Variants in PWWP2A observed in about 807,000 individuals in gnomAD.
PWWP2A encodes PWWP domain containing 2A, also known as PWWP domain-containing protein 2A.
In PWWP2A, 18 loss-of-function variants were observed where a neutral mutation model predicts 48.5. The observed-to-expected ratio is 0.37, with a 90% CI of 0.26 to 0.55. The LOEUF (loss-of-function observed/expected upper bound fraction) is 0.55. Ranked by LOEUF, PWWP2A falls within the 20% of genes least tolerant of loss-of-function variation. The pLI, the probability that PWWP2A is intolerant of heterozygous loss-of-function variation, is 0.81. For synonymous variants in PWWP2A, 396 were observed against 387.7 expected, an observed-to-expected ratio of 1.02 and a Z score of -0.25; for missense variants, 867 against 976.4, an observed-to-expected ratio of 0.89 and a Z score of 1.49.
At chr5:160,115,212 C>T (rs191786908) in intron 1 of PWWP2A, among the ~76,000 whole-genome samples, 8 of 145,986 alleles carry the variant, frequency 5.5e-5, no homozygotes, top group African/African-American at 1.0e-4. Context: ...GTCTCTGAAA[C>T]GGACTGGCAG....
At chr5:160,053,244 G>A in the PWWP2A span, among the ~76,000 whole-genome samples, 1 of 152,300 alleles carries the variant, frequency 6.6e-6, no homozygotes, top group African/African-American at 2.4e-5. Flanking sequence ...CTTTATGCTA[G>A]TTCCTGTTAA....
intron 1 of PWWP2A, among the ~76,000 whole-genome samples, chr5:160,094,910 T>C (rs1191006689): frequency 3.3e-5 from 5 of 151,346 alleles, no homozygotes; most frequent in Middle Eastern, 3.2e-3. Flanking sequence ...TCGCCGGGCA[T>C]GGTGGCAGGC....
chr5:160,090,322 A>C, downstream of PWWP2A: 1 of 984,912 alleles, frequency 1.0e-6, no homozygotes, highest in South Asian at 4.7e-5. Context: ...AAAGCCTTGG[A>C]ATTACATATT....
chr5:160,082,668 G>A (rs1754330376), intron 2 of PWWP2A, among the ~76,000 whole-genome samples: 1 of 152,078 alleles, frequency 6.6e-6, no homozygotes, highest in South Asian at 2.1e-4. Context: ...CCTGGTTTGT[G>A]AGTCTTTTGT....
At chr5:160,045,262 A>G in the PWWP2A span, among the ~76,000 whole-genome samples, 1 of 152,184 alleles carries the variant, frequency 6.6e-6, no homozygotes, top group African/African-American at 2.4e-5. Flanking sequence ...AGCCTTGCCT[A>G]GAAAATGAGG....
At chr5:160,114,623 C>CGTGGTGGA (rs1313106067) in intron 1 of PWWP2A, among the ~76,000 whole-genome samples, 1 of 151,684 alleles carries the variant, frequency 6.6e-6, no homozygotes, top group Non-Finnish European at 1.5e-5. Context: ...ATTTGCCCAG[C>CGTGGTGGA]GTGGTGGAGC....
intron 1 of PWWP2A, among the ~76,000 whole-genome samples, chr5:160,115,267 T>C (rs1758006215): frequency 6.7e-6 from 1 of 149,128 alleles, no homozygotes; most frequent in South Asian, 2.1e-4. Flanking sequence ...TGGATGAAAA[T>C]ATAGCTGGCT....
the PWWP2A span, among the ~76,000 whole-genome samples, chr5:160,055,867 A>G: frequency 2.1e-3 from 320 of 152,360 alleles, 5 homozygotes; most frequent in Admixed American, 0.018. Flanking sequence ...GAAAAACTAG[A>G]AAGCAAATAT....
downstream of PWWP2A, among the ~76,000 whole-genome samples, chr5:160,073,936 G>A (rs932628785): frequency 6.6e-6 from 1 of 151,714 alleles, no homozygotes; most frequent in African/African-American, 2.4e-5. Context: ...ATGGGGGTAA[G>A]CACCTGTAAT....
Position 160,093,635 on chromosome 5 carries a change from C to A in PWWP2A, c.1015G>T (p.Gly339Cys), listed in dbSNP as rs778429873. 6.2e-7 allele frequency: 1 copy of A among 1,613,952 alleles called. No homozygotes were observed. Among genetic ancestry groups the A allele is most frequent in the Non-Finnish European group, 8.5e-7 (1 of 1,179,886 alleles). ...TTAGAAGAGTCAGTTGCACTACTAC[C>A]TTTTCTAATTTCCTTTTTTTCAGCA... is the stretch of plus-strand genomic sequence containing the variant. ...VVAEKKEIRK[G>C]SSATDSSKYE... is the part of the protein sequence containing the mutation. The change falls in exon 2 of 2, where the codon GGT (glycine) becomes TGT (cysteine). Residue 339 changes from glycine to cysteine, a missense_variant. Transcript: ENST00000307063. The surrounding 1 kb of genome is among the most constrained non-coding windows in gnomAD (Gnocchi z 5.8).
chr5:160,113,425 A>T (rs1051731698), intron 1 of PWWP2A: 3 of 695,008 alleles, frequency 4.3e-6, no homozygotes, highest in Non-Finnish European at 5.3e-6. Flanking sequence ...CCTGTGTTCT[A>T]GACTCAAACA....
chr5:160,054,961 T>C, the PWWP2A span, among the ~76,000 whole-genome samples: 1 of 152,194 alleles, frequency 6.6e-6, no homozygotes, highest in Admixed American at 6.5e-5. Flanking sequence ...ACTCCCAGGG[T>C]TACTGCTCTG....
At chr5:160,054,758 G>C in the PWWP2A span, among the ~76,000 whole-genome samples, 1 of 152,098 alleles carries the variant, frequency 6.6e-6, no homozygotes, top group African/African-American at 2.4e-5. Context: ...TTTGAAGTCA[G>C]GTTTCATATG....
Position 160,077,672 on chromosome 5 carries a change from A to G in PWWP2A, c.*483T>C, listed in dbSNP as rs1753957851. 1 of 152,722 alleles carries G rather than the reference A, an allele frequency of 6.5e-6. No homozygotes were observed. The highest frequency in any genetic ancestry group is 2.4e-5 in the African/African-American group (1 of 41,452). The allele number at this position is 152,722 out of a possible 1,614,324, so 9.5% of individuals were successfully genotyped here. A position where few individuals can be genotyped will look rare whatever the true frequency, so the allele number is the denominator to read the frequency against. On this transcript the variant is annotated 3_prime_UTR_variant, in exon 4 of 4. Coordinates refer to the PWWP2A transcript ENST00000456329. This position sits in a 1 kb window ranked among gnomAD's most constrained non-coding sequence, Gnocchi z 4.2. ...AACATTGGCCTTGGCATATGTGACT[A>G]TTGCTTTTCATAGAAGAGCCATTTT...
At chr5:160,045,554 C>CTCTCTCTCTCTCT in the PWWP2A span, among the ~76,000 whole-genome samples, 24 of 116,038 alleles carry the variant, frequency 2.1e-4, no homozygotes, top group African/African-American at 7.1e-4. Flanking sequence ...TCTCTCTCTC[C>CTCTCTCTCTCTCT]CCCTCCCCTC....
Position 160,092,336 on chromosome 5 carries a change from A to G in PWWP2A, c.*46T>C, listed in dbSNP as rs1333860242. The G allele has an allele frequency of 6.8e-7, 1 of 1,478,228 alleles. No individual in the cohort carries two copies. The allele number at this position is 1,478,228 out of a possible 1,614,324, so 91.6% of individuals were successfully genotyped here. A position where few individuals can be genotyped will look rare whatever the true frequency, so the allele number is the denominator to read the frequency against. On this transcript the variant is annotated 3_prime_UTR_variant, in exon 2 of 2. Transcript: ENST00000307063. ...GAAATTATTCCTAACTAGACTAGAAAATCTGTGGTGACTTCCAATGGTCTT... is the reference window on the plus strand; with the variant it reads ...GAAATTATTCCTAACTAGACTAGAAGATCTGTGGTGACTTCCAATGGTCTT...
chr5:160,063,471 T>G (rs1753494949), intron 5 of PWWP2A: 1 of 152,704 alleles, frequency 6.5e-6, no homozygotes, highest in Non-Finnish European at 1.5e-5. Flanking sequence ...TGCCTCAGCC[T>G]CCCAAAGTGC....
the PWWP2A span, chr5:160,049,573 A>G: frequency 1.4e-5 from 22 of 1,611,710 alleles, no homozygotes; most frequent in Non-Finnish European, 1.8e-5. Context: ...GTTGTATGAG[A>G]AGACGGACAA....
intron 1 of PWWP2A, among the ~76,000 whole-genome samples, chr5:160,103,544 G>A (rs943996938): frequency 2.1e-4 from 32 of 152,204 alleles, no homozygotes; most frequent in Admixed American, 9.8e-4. Flanking sequence ...TACAGTCTTC[G>A]GAAGGAAATA....
Sources: allele counts gnomAD v4.1 joint callset (sites outside exome capture counted in the v4.1 genomes callset), GRCh38; gene constraint gnomAD v4.1.1; non-coding constraint Gnocchi (gnomAD v3.1); transcripts MANE v1.5; gene names NCBI Gene and HGNC (gene_info 2026-07-23, HGNC 2026-07-21).